Variants in CDK6 observed in about 807,000 individuals in gnomAD.
The protein encoded by CDK6 is cyclin-dependent kinase 6.
Under a neutral mutation model 37.1 loss-of-function variants are expected in CDK6, and 6 were observed. The ratio of observed to expected loss-of-function variants is 0.16; its 90% confidence interval spans 0.09 to 0.32. The LOEUF is 0.32. CDK6 is among the 10% of genes least tolerant of loss of function. The pLI is 1.00. For missense variants in CDK6, 224 were observed against 418.9 expected (o/e 0.53, Z 4.06); for synonymous variants, 160 against 161.3 (o/e 0.99, Z 0.06).
At chr7:92,773,327 T>G (rs1484940166) in intron 3 of CDK6, among the ~76,000 whole-genome samples, 1 of 152,092 alleles carries the variant, frequency 6.6e-6, no homozygotes, top group Non-Finnish European at 1.5e-5. Flanking sequence ...AAAATTTAGG[T>G]AGATAGCCTG....
At chr7:92,684,189 A>T (rs1336975541) in intron 4 of CDK6, among the ~76,000 whole-genome samples, 1 of 152,182 alleles carries the variant, frequency 6.6e-6, no homozygotes, top group African/African-American at 2.4e-5. Context: ...CCAATGGCAG[A>T]ACCAGGATCT....
chr7:92,825,845 T>C (rs1328185457), intron 2 of CDK6, among the ~76,000 whole-genome samples: 1 of 152,218 alleles, frequency 6.6e-6, no homozygotes, highest in Non-Finnish European at 1.5e-5. Flanking sequence ...CATTTCCTAA[T>C]GTTAATGTCT....
At chr7:92,666,874 G>T (rs995445672) in intron 5 of CDK6, among the ~76,000 whole-genome samples, 4 of 152,146 alleles carry the variant, frequency 2.6e-5, no homozygotes. Flanking sequence ...TTATTTTAGA[G>T]TGTACTACTA....
chr7:92,762,903 A>T (rs990286484), intron 3 of CDK6, among the ~76,000 whole-genome samples: 1 of 152,208 alleles, frequency 6.6e-6, no homozygotes. Context: ...AGCTATTTCC[A>T]GATTGATCTA....
At chr7:92,668,526 G>C (rs1224774566) in intron 5 of CDK6, among the ~76,000 whole-genome samples, 2 of 152,200 alleles carry the variant, frequency 1.3e-5, no homozygotes, top group Non-Finnish European at 2.9e-5. Flanking sequence ...TACTGCCTTA[G>C]CATCAAGTGG....
chr7:92,628,681 A>G (rs1358325405), intron 5 of CDK6, among the ~76,000 whole-genome samples: 8 of 152,086 alleles, frequency 5.3e-5, no homozygotes, highest in Admixed American at 5.2e-4. Context: ...ATACGATTAG[A>G]TGTATACACA....
intron 3 of CDK6, among the ~76,000 whole-genome samples, 154 bp downstream of exon 3, chr7:92,774,542 T>C (rs776304627): frequency 5.3e-5 from 8 of 152,226 alleles, no homozygotes; most frequent in East Asian, 1.9e-4. Context: ...AACTGGAATA[T>C]ATCCCAATCT....
chr7:92,810,434 G>A (rs1486595318), intron 2 of CDK6, among the ~76,000 whole-genome samples: 1 of 152,198 alleles, frequency 6.6e-6, no homozygotes, highest in African/African-American at 2.4e-5. Context: ...AGTTGACCTT[G>A]AGCAAGTCAT....
At chr7:92,687,961 T>C (rs1180832470) in intron 4 of CDK6, among the ~76,000 whole-genome samples, 2 of 152,238 alleles carry the variant, frequency 1.3e-5, no homozygotes, top group Non-Finnish European at 2.9e-5. Flanking sequence ...CAGTATATAG[T>C]TTTCTCCCTT....
chr7:92,780,817 CA>C (rs750407466), intron 2 of CDK6, among the ~76,000 whole-genome samples: 2 of 149,516 alleles, frequency 1.3e-5, no homozygotes. Context: ...CAAAAAAAAC[CA>C]AAAAAACCCC....
chr7:92,835,401 C>G lies in CDK6; in HGVS notation c.-368+1077G>C, dbSNP rs551152680. The stretch of plus-strand genomic sequence containing the variant: ...CCCCGCACTGCCCTGGCTCTCCCCC[C>G]ACTCGCCCCCCAGACGGTCGGCTTC... On this transcript the variant is annotated intron_variant, in intron 1 of 7. Coordinates refer to ENST00000424848, the MANE Select transcript of CDK6 (RefSeq NM_001145306.2). The surrounding 1 kb of genome is among the most constrained non-coding windows in gnomAD (Gnocchi z 4.2). The G allele has an allele frequency of 1.7e-4, 26 of 152,312 alleles. No individual in the cohort carries two copies. The highest frequency in any genetic ancestry group is 5.8e-4 in the East Asian group (3 of 5,170). The allele number at this position is 152,312 out of a possible 1,614,324, so 9.4% of individuals were successfully genotyped here.
At chr7:92,648,084 CGT>C (rs374737056) in intron 5 of CDK6, among the ~76,000 whole-genome samples, 7 of 151,570 alleles carry the variant, frequency 4.6e-5, no homozygotes, top group Non-Finnish European at 8.8e-5. Flanking sequence ...TAACACAACC[CGT>C]GTGTGTGTGT....
At chr7:92,702,395 G>A (rs1327349353) in intron 4 of CDK6, among the ~76,000 whole-genome samples, 1 of 151,654 alleles carries the variant, frequency 6.6e-6, no homozygotes, top group Non-Finnish European at 1.5e-5. Flanking sequence ...ACCATGCCCA[G>A]CTAATTTTTG....
intron 2 of CDK6, among the ~76,000 whole-genome samples, chr7:92,783,068 A>G (rs1486107133): frequency 6.6e-6 from 1 of 152,184 alleles, no homozygotes; most frequent in East Asian, 1.9e-4. Flanking sequence ...CTTCCCAAGG[A>G]GCCAGGCAGC....
At chr7:92,757,151 A>AT (rs1358873855) in intron 3 of CDK6, among the ~76,000 whole-genome samples, 1 of 152,154 alleles carries the variant, frequency 6.6e-6, no homozygotes, top group Non-Finnish European at 1.5e-5. Flanking sequence ...TGTAATATTG[A>AT]TTTTTAACTT....
At chr7:92,657,489 A>T (rs1796723118) in intron 5 of CDK6, among the ~76,000 whole-genome samples, 1 of 152,212 alleles carries the variant, frequency 6.6e-6, no homozygotes, top group African/African-American at 2.4e-5. Context: ...AATTCTGTAG[A>T]ATAATCTTTG....
At chr7:92,794,518 G>A (rs551206488) in intron 2 of CDK6, among the ~76,000 whole-genome samples, 187 of 152,204 alleles carry the variant, frequency 1.2e-3, no homozygotes, top group Non-Finnish European at 2.3e-3. Flanking sequence ...TAGAATGTGC[G>A]TGATTTTTGT....
intron 6 of CDK6, 21 bp from the exon 7 acceptor site, chr7:92,618,228 G>T (rs754570200): frequency 1.2e-6 from 2 of 1,612,986 alleles, no homozygotes; most frequent in Non-Finnish European, 1.7e-6. Flanking sequence ...ACCACACATG[G>T]ACATAAGCAT....
intron 2 of CDK6, among the ~76,000 whole-genome samples, chr7:92,780,576 C>T (rs866375375): frequency 2.6e-5 from 4 of 151,860 alleles, no homozygotes; most frequent in Middle Eastern, 3.4e-3. Context: ...CTGGCTAACA[C>T]GGTGAAACCC....
Sources: gnomAD v4.1 joint callset for allele counts (sites outside exome capture counted in the v4.1 genomes callset) on GRCh38, gnomAD v4.1.1 for gene constraint, Gnocchi (gnomAD v3.1) non-coding constraint, MANE v1.5 for transcripts, NCBI Gene and HGNC (gene_info 2026-07-23, HGNC 2026-07-21) for gene names.